PIAS1: variants seen among roughly 807,000 people sequenced by gnomAD.
PIAS1 encodes E3 SUMO-protein ligase PIAS1.
PIAS1 carries 6 observed loss-of-function variants against 71.3 expected under a neutral mutation model. The observed-to-expected ratio is 0.08, with a 90% CI of 0.05 to 0.17. The LOEUF (loss-of-function observed/expected upper bound fraction) is 0.17, where lower values mean the gene tolerates loss of function less well. Among genes scored for constraint, PIAS1 ranks in the 10% least tolerant of loss-of-function variants. The pLI, the probability that PIAS1 is intolerant of heterozygous loss-of-function variation, is 1.00. For missense variants in PIAS1, 555 were observed against 793.6 expected (o/e 0.70, Z 3.61); for synonymous variants, 303 against 292.9 (o/e 1.03, Z -0.35).
rs2093092366 is a variant in PIAS1, at chr15:68,187,006, A to G, written c.1663-536A>G. On this transcript the variant is annotated intron_variant, in intron 13 of 13. Coordinates refer to ENST00000249636, the MANE Select transcript of PIAS1 (RefSeq NM_016166.3). This position sits in a 1 kb window ranked among gnomAD's most constrained non-coding sequence, Gnocchi z 5.3. ...AAAAGTATAATGTGTAGCCAAGAGA[A>G]AGATAAATTTCCTTGGAAAACTTAG... Among the ~76,000 whole-genome samples the G allele has an allele frequency of 6.6e-6, 1 of 152,260 alleles. No individual in the cohort carries two copies. Among genetic ancestry groups the G allele is most frequent in the Non-Finnish European group, 1.5e-5 (1 of 68,048 alleles).
chr15:68,101,712 G>T (rs914542941), intron 2 of PIAS1, among the ~76,000 whole-genome samples: 5 of 152,044 alleles, frequency 3.3e-5, no homozygotes, highest in Middle Eastern at 3.2e-3. Flanking sequence ...TTGTTTCTTT[G>T]TTAGATTTGT....
At chr15:68,179,937 G>T (rs2093043978) in intron 11 of PIAS1, among the ~76,000 whole-genome samples, 1 of 151,942 alleles carries the variant, frequency 6.6e-6, no homozygotes, top group African/African-American at 2.4e-5. Flanking sequence ...TACTTTACAT[G>T]AAGCATTAAA....
intron 7 of PIAS1, among the ~76,000 whole-genome samples, chr15:68,160,396 C>T (rs1385504991): frequency 1.3e-5 from 2 of 152,086 alleles, no homozygotes; most frequent in African/African-American, 4.8e-5. Flanking sequence ...TACCTTGGCA[C>T]CTTTATCAAA....
In PIAS1 at chr15:68,139,816, C is replaced by G. The variant is rs1462681502; in HGVS notation, c.470-2130C>G. 5.3e-5 allele frequency among the ~76,000 whole-genome samples: 8 copies of G among 152,108 alleles called. No individual in the cohort carries two copies. In the East Asian group the frequency reaches 1.4e-3, roughly 26 times the overall value. On this transcript the variant is annotated intron_variant, in intron 2 of 13. Transcript: ENST00000249636. ...ATCCCTGTGGATTGTCTTTTGTACC[C>G]ATGGAAATGTATACCCCCAACATTG...
chr15:68,193,814 A>G lies in PIAS1; in HGVS notation c.*5979A>G, dbSNP rs74020068. The G allele has an allele frequency of 1.4e-3, 750 of 550,802 alleles. 2 individuals carry two copies. Among genetic ancestry groups the G allele is most frequent in the African/African-American group, 0.012 (621 of 53,150 alleles). 34.1% of individuals were successfully genotyped at this position (550,802 alleles called of 1,614,324 possible). A position where few individuals can be genotyped will look rare whatever the true frequency, so the allele number is the denominator to read the frequency against. ...GGACTCACGGTAGTTAATAAAATCAATACAAATCTTTTATTAAAGATCTAC... is the reference window on the plus strand; with the variant it reads ...GGACTCACGGTAGTTAATAAAATCAGTACAAATCTTTTATTAAAGATCTAC... On this transcript the variant is annotated 3_prime_UTR_variant, in exon 14 of 14. Transcript: ENST00000249636.
At chr15:68,077,212 TAAAAC>T (rs991232006) in intron 1 of PIAS1, among the ~76,000 whole-genome samples, 5 of 152,156 alleles carry the variant, frequency 3.3e-5, no homozygotes, top group Admixed American at 2.6e-4. Context: ...CTTGTCCAAA[TAAAAC>T]AAACCTAAAA....
chr15:68,151,873 A>G (rs771949175), intron 6 of PIAS1, among the ~76,000 whole-genome samples: 10 of 151,260 alleles, frequency 6.6e-5, no homozygotes, highest in Non-Finnish European at 1.3e-4. Context: ...TTAAATAAAT[A>G]AATAAACAAA....
intron 2 of PIAS1, among the ~76,000 whole-genome samples, chr15:68,136,406 C>T (rs2141040316): frequency 2.4e-5 from 1 of 42,330 alleles, no homozygotes; most frequent in East Asian, 6.1e-4. Flanking sequence ...TGGAGACCAG[C>T]CCGGCCAACA....
chr15:68,191,134 A>G lies in PIAS1; in HGVS notation c.*3299A>G, dbSNP rs2093117789. 1 of 152,566 alleles carries G rather than the reference A, an allele frequency of 6.6e-6. No homozygotes were observed. Among genetic ancestry groups the G allele is most frequent in the African/African-American group, 2.4e-5 (1 of 41,386 alleles). 9.5% of individuals were successfully genotyped at this position (152,566 alleles called of 1,614,324 possible). ...TTAAATACAAAGCTTAGATTTCAGA[A>G]AGAGAGGGAAAATAGCTGGTGGTCC... On this transcript the variant is annotated 3_prime_UTR_variant, in exon 14 of 14. Coordinates refer to ENST00000249636, the MANE Select transcript of PIAS1 (RefSeq NM_016166.3).
chr15:68,137,397 A>G (rs534496897), intron 2 of PIAS1, among the ~76,000 whole-genome samples: 3 of 152,328 alleles, frequency 2.0e-5, no homozygotes, highest in African/African-American at 4.8e-5. Context: ...TTTTAAAGCA[A>G]GCTTTCATAT....
chr15:68,064,756 C>A (rs1296289001), intron 1 of PIAS1, among the ~76,000 whole-genome samples: 2 of 152,070 alleles, frequency 1.3e-5, no homozygotes, highest in African/African-American at 4.8e-5. Context: ...CAATCTAATA[C>A]ACAGATTGAA....
At position 68,181,269 on chromosome 15, in the gene PIAS1, T is replaced by A; in HGVS notation, c.1539T>A (p.Ala513=). 1.2e-6 allele frequency: 2 copies of A among 1,613,698 alleles called. No individual in the cohort carries two copies. Among genetic ancestry groups the A allele is most frequent in the Non-Finnish European group, 1.7e-6 (2 of 1,179,636 alleles). Residue 513 remains alanine (A), a synonymous_variant, in exon 12 of 14, where the codon GCT becomes GCA. Coordinates refer to ENST00000249636, the MANE Select transcript of PIAS1 (RefSeq NM_016166.3). ...SPVSRTPSLP[A]VDTSYINTSL... ...TATCCCGCACCCCAAGCCTTCCTGC[T>A]GTAGACACAAGCTACATTAATACCT...
intron 2 of PIAS1, among the ~76,000 whole-genome samples, chr15:68,137,881 G>A (rs2092744449): frequency 6.6e-6 from 1 of 152,104 alleles, no homozygotes; most frequent in African/African-American, 2.4e-5. Flanking sequence ...GAAGATTTGG[G>A]CATGTAATCC....
intron 2 of PIAS1, among the ~76,000 whole-genome samples, chr15:68,126,831 CT>C (rs11398406): frequency 0.43 from 62,321 of 146,140 alleles, 13,981 homozygotes; most frequent in East Asian, 0.8. Context: ...TCCCAGCTAC[CT>C]TTTTTTTTTT....
intron 2 of PIAS1, among the ~76,000 whole-genome samples, chr15:68,097,744 A>G (rs1379914354): frequency 6.6e-6 from 1 of 152,070 alleles, no homozygotes; most frequent in Non-Finnish European, 1.5e-5. Flanking sequence ...GCATGTTGTA[A>G]TTTATTAAAT....
At chr15:68,175,275 A>G (rs1188712503) in intron 9 of PIAS1, among the ~76,000 whole-genome samples, 1 of 152,226 alleles carries the variant, frequency 6.6e-6, no homozygotes, top group Non-Finnish European at 1.5e-5. Flanking sequence ...ATCAAATAAG[A>G]CATGCTTATT....
intron 4 of PIAS1, among the ~76,000 whole-genome samples, chr15:68,142,745 C>A (rs1182064249): frequency 6.6e-6 from 1 of 150,632 alleles, no homozygotes; most frequent in Non-Finnish European, 1.5e-5. Context: ...AATATCATAT[C>A]AAGTTTTATG....
At chr15:68,113,896 A>C (rs2092542210) in intron 2 of PIAS1, among the ~76,000 whole-genome samples, 1 of 151,972 alleles carries the variant, frequency 6.6e-6, no homozygotes, top group East Asian at 1.9e-4. Flanking sequence ...TTCATGTGTA[A>C]TTTTTGTTGT....
At chr15:68,118,110 A>G (rs1306002477) in intron 2 of PIAS1, among the ~76,000 whole-genome samples, 3 of 152,048 alleles carry the variant, frequency 2.0e-5, no homozygotes, top group African/African-American at 7.2e-5. Context: ...GGGGCAGATC[A>G]CCTGAGGTCA....
Sources: allele counts gnomAD v4.1 joint callset (sites outside exome capture counted in the v4.1 genomes callset), GRCh38; gene constraint gnomAD v4.1.1; non-coding constraint Gnocchi (gnomAD v3.1); transcripts MANE v1.5; gene names NCBI Gene and HGNC (gene_info 2026-07-23, HGNC 2026-07-21).